PTPRK: variants seen among roughly 807,000 people sequenced by gnomAD.
The protein encoded by PTPRK is protein tyrosine phosphatase receptor type K.
In PTPRK, 75 loss-of-function variants were observed where a neutral mutation model predicts 178.0. The observed-to-expected ratio is 0.42, with a 90% CI of 0.35 to 0.51. The LOEUF (loss-of-function observed/expected upper bound fraction) is 0.51, where lower values mean the gene tolerates loss of function less well. Among genes scored for constraint, PTPRK ranks in the 20% least tolerant of loss-of-function variants. The pLI, the probability that PTPRK is intolerant of heterozygous loss-of-function variation, is 0.02. For missense variants in PTPRK, 1,441 were observed against 1,797.8 expected (o/e 0.80, Z 3.59); for synonymous variants, 637 against 620.6 (o/e 1.03, Z -0.39).
chr6:128,313,439 C>T (rs1055293237), intron 3 of PTPRK, among the ~76,000 whole-genome samples: 9 of 152,024 alleles, frequency 5.9e-5, no homozygotes, highest in East Asian at 1.9e-4. Context: ...AGGCAACACA[C>T]GTCCAAGGAG....
chr6:128,423,700 T>C (rs1843755997), intron 1 of PTPRK, among the ~76,000 whole-genome samples: 1 of 151,888 alleles, frequency 6.6e-6, no homozygotes, highest in South Asian at 2.1e-4. Flanking sequence ...GGGTGGTACA[T>C]GCCTGTAATC....
At chr6:128,518,363 A>C (rs2128447178) in intron 1 of PTPRK, among the ~76,000 whole-genome samples, 1 of 152,352 alleles carries the variant, frequency 6.6e-6, no homozygotes, top group East Asian at 1.9e-4. Context: ...TCATTTTCAC[A>C]TTCAGCTGGA....
At chr6:128,178,476 G>A (rs182037296) in intron 7 of PTPRK, among the ~76,000 whole-genome samples, 3 of 151,256 alleles carry the variant, frequency 2.0e-5, no homozygotes, top group Admixed American at 6.6e-5. Flanking sequence ...TATTAATATT[G>A]GACAATTCAC....
rs1411309769 is a variant in PTPRK, at chr6:128,392,486, A to T, written c.223+5080T>A. Among the ~76,000 whole-genome samples the T allele has an allele frequency of 2.6e-5, 4 of 152,228 alleles. 1 individual carries two copies. Among genetic ancestry groups the T allele is most frequent in the South Asian group, 4.1e-4 (2 of 4,836 alleles). On this transcript the variant is annotated intron_variant, in intron 2 of 29. Transcript: ENST00000368226. ...AAAGCAGTTATAATTACAGTCAAAG[A>T]TAAATGTATTGAGATGTCAGTCACA...
intron 6 of PTPRK, among the ~76,000 whole-genome samples, chr6:128,210,018 A>C (rs1807804072): frequency 6.6e-6 from 1 of 152,000 alleles, no homozygotes; most frequent in Non-Finnish European, 1.5e-5. Context: ...TCATACAGTC[A>C]CTCTGGCTTC....
chr6:128,468,921 C>CAAAACAAAA (rs1850240649), intron 1 of PTPRK, among the ~76,000 whole-genome samples: 1 of 90,600 alleles, frequency 1.1e-5, no homozygotes, highest in Non-Finnish European at 2.2e-5. Flanking sequence ...AACACCTTTT[C>CAAAACAAAA]AAAAAAAAAA....
intron 13 of PTPRK, among the ~76,000 whole-genome samples, chr6:128,026,508 C>G (rs1774333365): frequency 6.6e-6 from 1 of 152,114 alleles, no homozygotes; most frequent in African/African-American, 2.4e-5. Context: ...CTCATCTTTA[C>G]AATGAAATAA....
At chr6:128,428,912 G>A (rs1844494393) in intron 1 of PTPRK, among the ~76,000 whole-genome samples, 1 of 152,158 alleles carries the variant, frequency 6.6e-6, no homozygotes, top group African/African-American at 2.4e-5. Context: ...AGATGACTTT[G>A]CCCAACTGTA....
At chr6:128,246,862 C>T (rs563851756) in intron 3 of PTPRK, among the ~76,000 whole-genome samples, 5 of 152,304 alleles carry the variant, frequency 3.3e-5, no homozygotes, top group South Asian at 2.1e-4. Context: ...TGATTCTAAT[C>T]AAATTTTTGC....
At chr6:127,989,343 C>T (rs1315115276) in intron 21 of PTPRK, among the ~76,000 whole-genome samples, 1 of 151,740 alleles carries the variant, frequency 6.6e-6, no homozygotes, top group African/African-American at 2.4e-5. Flanking sequence ...ACATATTTTA[C>T]AGTTACAATA....
chr6:128,079,538 G>T (rs1784437393), intron 10 of PTPRK, among the ~76,000 whole-genome samples: 1 of 151,932 alleles, frequency 6.6e-6, no homozygotes, highest in Non-Finnish European at 1.5e-5. Flanking sequence ...ATTTGATAAT[G>T]CTTAATTAGG....
At chr6:128,491,869 G>C (rs1853842668) in intron 1 of PTPRK, 1 of 497,416 alleles carries the variant, frequency 2.0e-6, no homozygotes, top group Non-Finnish European at 4.0e-6. Context: ...AAAGCGGCTT[G>C]GTAACTAACA....
chr6:128,132,237 C>T (rs918380255), intron 7 of PTPRK, among the ~76,000 whole-genome samples: 3 of 152,232 alleles, frequency 2.0e-5, no homozygotes, highest in Non-Finnish European at 2.9e-5. Flanking sequence ...TGCAGTGGCG[C>T]GATCTTGGCT....
intron 4 of PTPRK, chr6:128,241,190 C>T: frequency 1.9e-6 from 1 of 529,796 alleles, no homozygotes; most frequent in Non-Finnish European, 3.9e-6. Context: ...ATAATCTGAC[C>T]CTTACTGGCT....
At chr6:128,059,485 T>A (rs1780460744) in intron 13 of PTPRK, among the ~76,000 whole-genome samples, 1 of 152,196 alleles carries the variant, frequency 6.6e-6, no homozygotes, top group Non-Finnish European at 1.5e-5. Context: ...ACCTTTTGAA[T>A]TTTTTGCTGA....
intron 7 of PTPRK, among the ~76,000 whole-genome samples, chr6:128,153,790 T>G (rs578237785): frequency 6.6e-6 from 1 of 152,126 alleles, no homozygotes; most frequent in African/African-American, 2.4e-5. Context: ...GTTAATCATT[T>G]CATTTTATGG....
chr6:128,326,167 G>C (rs148950730), intron 2 of PTPRK, among the ~76,000 whole-genome samples: 66 of 152,190 alleles, frequency 4.3e-4, no homozygotes, highest in Non-Finnish European at 9.0e-4. Flanking sequence ...GGCCTGTTGG[G>C]AGGCAAGGGG....
At chr6:128,118,689 T>C (rs749082255) in intron 7 of PTPRK, among the ~76,000 whole-genome samples, 4 of 152,202 alleles carry the variant, frequency 2.6e-5, no homozygotes, top group Non-Finnish European at 4.4e-5. Flanking sequence ...TTAATAGATT[T>C]CATGCTACCA....
At chr6:128,071,830 A>G (rs966404769) in intron 11 of PTPRK, among the ~76,000 whole-genome samples, 1 of 152,060 alleles carries the variant, frequency 6.6e-6, no homozygotes, top group Non-Finnish European at 1.5e-5. Context: ...TCTTTCCTTC[A>G]TTGTTCAATC....
Sources: gnomAD v4.1 joint callset for allele counts (sites outside exome capture counted in the v4.1 genomes callset) on GRCh38, gnomAD v4.1.1 for gene constraint, MANE v1.5 for transcripts, NCBI Gene and HGNC (gene_info 2026-07-23, HGNC 2026-07-21) for gene names.